PPP1R9A: variants seen among roughly 807,000 people sequenced by gnomAD.
The protein encoded by PPP1R9A is neurabin-1.
Under a neutral mutation model 141.9 loss-of-function variants are expected in PPP1R9A, and 59 were observed. The observed-to-expected ratio is 0.42, with a 90% confidence interval of 0.34 to 0.52. The LOEUF (loss-of-function observed/expected upper bound fraction) is 0.52. Among genes scored for constraint, PPP1R9A ranks in the 20% least tolerant of loss-of-function variants. The probability of loss-of-function intolerance (pLI) is 0.10; values close to 1 mark genes in which losing one functional copy is unlikely to be tolerated. For missense variants in PPP1R9A, 1,444 were observed against 1,611.9 expected, an observed-to-expected ratio of 0.90 and a Z score of 1.78; for synonymous variants, 500 against 569.7, an observed-to-expected ratio of 0.88 and a Z score of 1.74.
rs1481020560 is a variant in PPP1R9A at position 95,211,275 on chromosome 7, G to C, written c.1956+7545G>C. On this transcript the variant is annotated intron_variant, in intron 7 of 19. Coordinates refer to ENST00000433360, the MANE Select transcript of PPP1R9A (RefSeq NM_001166160.2). ...GAACTCATGACCAACAGGATTGGAA[G>C]GGTTCAACAAACATTGTTTGTCAAA... Among the ~76,000 whole-genome samples, 3 of 152,142 alleles carry C rather than the reference G, an allele frequency of 2.0e-5. No individual in the cohort carries two copies. The East Asian group carries it at 5.8e-4, about 29-fold the overall frequency.
In PPP1R9A at chr7:95,111,592, A is replaced by G. The variant is rs558411938; in HGVS notation, c.1528+201A>G. Reference sequence around the variant, plus strand: ...AAAGTTTTACTCCCAACTGAAACCCATCTATCTTAGCTGGCTGCGATGGTG... The same window carrying G: ...AAAGTTTTACTCCCAACTGAAACCCGTCTATCTTAGCTGGCTGCGATGGTG... On this transcript the variant is annotated intron_variant, in intron 3 of 19. Coordinates refer to ENST00000433360, the MANE Select transcript of PPP1R9A (RefSeq NM_001166160.2). Among the ~76,000 whole-genome samples the G allele has an allele frequency of 2.0e-5, 3 of 152,312 alleles. No individual in the cohort carries two copies. The South Asian group carries it at 6.2e-4, about 32-fold the overall frequency.
chr7:95,077,896 C>A (rs1815103759), intron 2 of PPP1R9A, among the ~76,000 whole-genome samples: 1 of 151,768 alleles, frequency 6.6e-6, no homozygotes, highest in Non-Finnish European at 1.5e-5. Flanking sequence ...TCATTTCCTG[C>A]CACAGAGGGA....
chr7:94,993,390 T>A (rs854746), intron 2 of PPP1R9A, among the ~76,000 whole-genome samples: 82,091 of 151,930 alleles, frequency 0.54, 22,866 homozygotes, highest in African/African-American at 0.63. Flanking sequence ...AAGTATTTTC[T>A]TTTGTCTATG....
At chr7:95,242,357 C>A (rs898441895) in intron 8 of PPP1R9A, among the ~76,000 whole-genome samples, 14 of 152,040 alleles carry the variant, frequency 9.2e-5, no homozygotes, top group Non-Finnish European at 1.5e-4. Flanking sequence ...GAAAATGTTG[C>A]CCTTATCTGA....
At chr7:95,166,970 A>G (rs868510783) in intron 5 of PPP1R9A, among the ~76,000 whole-genome samples, 1 of 152,218 alleles carries the variant, frequency 6.6e-6, no homozygotes, top group Non-Finnish European at 1.5e-5. Flanking sequence ...GTATCCCTTC[A>G]TGATGAAAAC....
intron 2 of PPP1R9A, among the ~76,000 whole-genome samples, chr7:95,005,324 T>G (rs1408634194): frequency 6.6e-6 from 1 of 152,216 alleles, no homozygotes; most frequent in African/African-American, 2.4e-5. Context: ...AACTGAGGAT[T>G]TGTGAATACT....
chr7:95,227,767 G>A (rs557808421), intron 8 of PPP1R9A, among the ~76,000 whole-genome samples: 13 of 152,256 alleles, frequency 8.5e-5, no homozygotes, highest in Admixed American at 3.9e-4. Flanking sequence ...TTTTTAGCTT[G>A]AGTAACCAGA....
At chr7:95,071,479 A>G (rs1376338032) in intron 2 of PPP1R9A, among the ~76,000 whole-genome samples, 1 of 151,732 alleles carries the variant, frequency 6.6e-6, no homozygotes, top group Non-Finnish European at 1.5e-5. Flanking sequence ...TCTAGTTGAA[A>G]TTTTTTTTAT....
At chr7:95,089,062 C>T (rs539209045) in intron 2 of PPP1R9A, among the ~76,000 whole-genome samples, 151 of 152,006 alleles carry the variant, frequency 9.9e-4, no homozygotes, top group African/African-American at 3.5e-3. Context: ...AGTCACCATG[C>T]CAACGTCTAT....
At chr7:95,104,306 A>G (rs1300584890) in intron 2 of PPP1R9A, among the ~76,000 whole-genome samples, 1 of 152,156 alleles carries the variant, frequency 6.6e-6, no homozygotes, top group Non-Finnish European at 1.5e-5. Flanking sequence ...CTACTGTAGA[A>G]TGTAGTTGCA....
intron 2 of PPP1R9A, among the ~76,000 whole-genome samples, chr7:95,058,906 C>T (rs1811846989): frequency 6.6e-6 from 1 of 152,076 alleles, no homozygotes; most frequent in Non-Finnish European, 1.5e-5. Context: ...TCTTCTGCCT[C>T]AGCCTCCCAA....
At chr7:94,943,800 T>C (rs954582527) in intron 2 of PPP1R9A, among the ~76,000 whole-genome samples, 20 of 152,162 alleles carry the variant, frequency 1.3e-4, no homozygotes, top group African/African-American at 4.8e-4. Flanking sequence ...AGTGATAGCT[T>C]ATGAAAGAGT....
intron 2 of PPP1R9A, among the ~76,000 whole-genome samples, chr7:95,004,774 T>C (rs973177484): frequency 1.3e-5 from 2 of 152,178 alleles, no homozygotes; most frequent in Non-Finnish European, 2.9e-5. Flanking sequence ...TAGTCATTGG[T>C]TAAATATACT....
intron 12 of PPP1R9A, among the ~76,000 whole-genome samples, chr7:95,264,834 C>T (rs142792377): frequency 2.0e-5 from 3 of 152,186 alleles, no homozygotes; most frequent in Non-Finnish European, 4.4e-5. Flanking sequence ...GGAAATTTTC[C>T]GCTGACCCTT....
rs1020405526 is a variant in PPP1R9A at position 95,080,107 on chromosome 7, G to C, written c.1396-31152G>C. ...GGCCAGGGCAATTAGGCAGGAGAAG[G>C]AAATAAAGGGCATTCAATTAGGAAA... is the stretch of plus-strand genomic sequence containing the variant. On this transcript the variant is annotated intron_variant, in intron 2 of 19. Transcript: ENST00000433360. Among the ~76,000 whole-genome samples the C allele has an allele frequency of 1.2e-4, 19 of 152,234 alleles. No individual in the cohort carries two copies. In the Middle Eastern group the frequency reaches 0.01, roughly 82 times the overall value.
chr7:95,109,168 A>G (rs1004018379), intron 2 of PPP1R9A, among the ~76,000 whole-genome samples: 4 of 152,330 alleles, frequency 2.6e-5, no homozygotes, highest in African/African-American at 9.6e-5. Context: ...AGGGTCTTAT[A>G]TTTGAAATAT....
At chr7:95,105,451 G>A (rs1819378126) in intron 2 of PPP1R9A, among the ~76,000 whole-genome samples, 3 of 152,148 alleles carry the variant, frequency 2.0e-5, no homozygotes, top group African/African-American at 4.8e-5. Flanking sequence ...TCCTTTGATC[G>A]AGAAACCAGA....
chr7:94,969,322 G>A (rs1798593094), intron 2 of PPP1R9A, among the ~76,000 whole-genome samples: 1 of 152,064 alleles, frequency 6.6e-6, no homozygotes, highest in South Asian at 2.1e-4. Context: ...TTTGGATGGG[G>A]TTTCTGTGTG....
intron 2 of PPP1R9A, among the ~76,000 whole-genome samples, chr7:94,961,757 G>A (rs888983999): frequency 2.0e-5 from 3 of 151,804 alleles, no homozygotes; most frequent in East Asian, 1.9e-4. Context: ...TGCCCTTATC[G>A]TTTAACACAT....
Sources: gnomAD v4.1 joint callset for allele counts (sites outside exome capture counted in the v4.1 genomes callset) on GRCh38, gnomAD v4.1.1 for gene constraint, MANE v1.5 for transcripts, NCBI Gene and HGNC (gene_info 2026-07-23, HGNC 2026-07-21) for gene names.